Variants in ATP10A observed in about 807,000 individuals in gnomAD.
ATP10A encodes phospholipid-transporting ATPase VA.
In ATP10A, 111 loss-of-function variants were observed where a neutral mutation model predicts 147.8. The ratio of observed to expected loss-of-function variants is 0.75; its 90% confidence interval spans 0.64 to 0.88. The LOEUF (loss-of-function observed/expected upper bound fraction) is 0.88. Ranked by LOEUF, ATP10A falls within the 40% of genes least tolerant of loss-of-function variation. The pLI is 0.00. For synonymous variants in ATP10A, 875 were observed against 841.6 expected (o/e 1.04, Z -0.69); for missense variants, 1,927 against 1,959.0 (o/e 0.98, Z 0.31).
intron 1 of ATP10A, among the ~76,000 whole-genome samples, chr15:25,842,147 A>G (rs1428493327): frequency 6.6e-6 from 1 of 152,226 alleles, no homozygotes; most frequent in Non-Finnish European, 1.5e-5. Context: ...CAGCAGCATC[A>G]GGCTGTCCAC....
intron 17 of ATP10A, among the ~76,000 whole-genome samples, chr15:25,682,830 T>C (rs1899496560): frequency 6.6e-6 from 1 of 152,240 alleles, no homozygotes; most frequent in African/African-American, 2.4e-5. Context: ...TCTATTTTAA[T>C]GGCTGGCTAG....
intron 13 of ATP10A, among the ~76,000 whole-genome samples, chr15:25,696,836 G>A (rs1900366177): frequency 6.6e-6 from 1 of 152,324 alleles, no homozygotes; most frequent in South Asian, 2.1e-4. Context: ...TTTGAACTCA[G>A]TCCCAGGCAA....
chr15:25,762,483 G>T (rs1166058525), intron 2 of ATP10A, among the ~76,000 whole-genome samples: 3 of 152,194 alleles, frequency 2.0e-5, no homozygotes, highest in African/African-American at 7.2e-5. Flanking sequence ...GTCTCACTGT[G>T]TTGCTAAGGC....
intron 2 of ATP10A, among the ~76,000 whole-genome samples, chr15:25,737,844 G>A (rs542306002): frequency 6.6e-6 from 1 of 152,030 alleles, no homozygotes; most frequent in Non-Finnish European, 1.5e-5. Flanking sequence ...AAATCAGGAC[G>A]CAAAGACACA....
chr15:25,717,874 G>A (rs1901919396), intron 8 of ATP10A, among the ~76,000 whole-genome samples: 1 of 152,176 alleles, frequency 6.6e-6, no homozygotes, highest in Admixed American at 6.5e-5. Flanking sequence ...CTTTTTAGCG[G>A]TTGTCATCTT....
At chr15:25,682,980 T>G (rs985239980) in intron 17 of ATP10A, among the ~76,000 whole-genome samples, 6 of 152,138 alleles carry the variant, frequency 3.9e-5, no homozygotes, top group African/African-American at 1.4e-4. Flanking sequence ...TAAGTCACAT[T>G]TTCTTCCTTG....
chr15:25,736,046 C>G lies in ATP10A; in HGVS notation c.740+10G>C. On this transcript the variant is annotated intron_variant, in intron 3 of 20. Transcript: ENST00000555815. ...AGAAGGATGCGCGCAGGCAGACACA[C>G]GATACTCACATGCAGCCGCGAAACC... 6.2e-7 allele frequency: 1 copy of G among 1,608,226 alleles called. No homozygotes were observed. Among genetic ancestry groups the G allele is most frequent in the East Asian group, 2.2e-5 (1 of 44,866 alleles).
At chr15:25,726,447 CT>C (rs111819076) in intron 4 of ATP10A, among the ~76,000 whole-genome samples, 110 of 141,868 alleles carry the variant, frequency 7.8e-4, no homozygotes, top group Admixed American at 7.0e-4. Flanking sequence ...TGCTTTTTTT[CT>C]TTTTTTTTTT....
rs372965991 is a variant in ATP10A, at chr15:25,786,175, C to T, written c.450-4952G>A. On this transcript the variant is annotated intron_variant, in intron 1 of 20. Coordinates refer to ENST00000555815, the MANE Select transcript of ATP10A (RefSeq NM_024490.4). ...TGGCTGGGGGCAGAGAGGTGCCACGCCAGCACACGGCATCAGGGTGGGCCA... is the reference window on the plus strand; with the variant it reads ...TGGCTGGGGGCAGAGAGGTGCCACGTCAGCACACGGCATCAGGGTGGGCCA... Among the ~76,000 whole-genome samples, 9 of 152,282 alleles carry T rather than the reference C, an allele frequency of 5.9e-5. No individual in the cohort carries two copies. In the East Asian group the frequency reaches 1.4e-3, roughly 23 times the overall value.
At chr15:25,777,936 ATTTC>A (rs1358445543) in intron 2 of ATP10A, among the ~76,000 whole-genome samples, 2 of 151,202 alleles carry the variant, frequency 1.3e-5, no homozygotes, top group African/African-American at 4.9e-5. Context: ...GGTCCTCTTT[ATTTC>A]TTTTTTATTT....
At chr15:25,782,179 C>T (rs943310683) in intron 1 of ATP10A, among the ~76,000 whole-genome samples, 7 of 152,112 alleles carry the variant, frequency 4.6e-5, no homozygotes, top group Admixed American at 3.3e-4. Context: ...CAACTCTTGC[C>T]GGTTCCACTT....
intron 1 of ATP10A, among the ~76,000 whole-genome samples, chr15:25,814,513 G>A (rs1891566902): frequency 6.6e-6 from 1 of 152,294 alleles, no homozygotes; most frequent in Non-Finnish European, 1.5e-5. Flanking sequence ...CAACGTGATT[G>A]GGACTGGAAT....
At chr15:25,820,006 G>C in intron 1 of ATP10A, among the ~76,000 whole-genome samples, 1 of 151,978 alleles carries the variant, frequency 6.6e-6, no homozygotes, top group East Asian at 1.9e-4. Context: ...AAAAGCCCAG[G>C]CTTCACCCCC....
chr15:25,683,370 G>C lies in ATP10A; in HGVS notation c.3408C>G (p.Leu1136=). Residue 1136 remains leucine, a synonymous_variant, in exon 17 of 21, where the codon CTC becomes CTG. Transcript: ENST00000555815. ...CATCCCTGTCCAGCACCCCAGTCAC[G>C]AGCGGGGGAAGTGACGAGAAGAGCA... ...FNLLFSSLPP[L]VTGVLDRDVP... is the part of the protein sequence containing the mutation. 1.2e-6 allele frequency: 2 copies of C among 1,614,162 alleles called. No homozygotes were observed. Among genetic ancestry groups the C allele is most frequent in the African/African-American group, 1.3e-5 (1 of 75,044 alleles).
intron 13 of ATP10A, among the ~76,000 whole-genome samples, chr15:25,701,630 CA>C (rs1211194089): frequency 6.6e-6 from 1 of 152,180 alleles, no homozygotes; most frequent in African/African-American, 2.4e-5. Flanking sequence ...ACTGTGGAAG[CA>C]CAGGGGACCT....
chr15:25,779,845 A>AACACACACACACACACACACACAC (rs56111172), intron 2 of ATP10A, among the ~76,000 whole-genome samples: 3 of 147,280 alleles, frequency 2.0e-5, no homozygotes, highest in South Asian at 2.2e-4. Context: ...AGAAGGTTAA[A>AACACACACACACACACACACACAC]ACACACACAC....
intron 16 of ATP10A, 88 bp from the exon 17 acceptor site, chr15:25,683,574 GT>G: frequency 1.6e-6 from 2 of 1,264,530 alleles, no homozygotes; most frequent in Non-Finnish European, 1.1e-6. Context: ...GGCCTGCAGA[GT>G]TTCACAGTCA....
chr15:25,758,673 A>ACTCATTCCGACCACCTGCTCCACC (rs1888566454), intron 2 of ATP10A, among the ~76,000 whole-genome samples: 1 of 103,422 alleles, frequency 9.7e-6, no homozygotes, highest in Non-Finnish European at 1.9e-5. Flanking sequence ...CTCCACCCTA[A>ACTCATTCCGACCACCTGCTCCACC]CTCATTCCGA....
chr15:25,672,937 C>G (rs1441158498), downstream of ATP10A, among the ~76,000 whole-genome samples: 1 of 152,174 alleles, frequency 6.6e-6, no homozygotes, highest in African/African-American at 2.4e-5. Context: ...AGTTTAAGGA[C>G]TAACCTGTGG....
Sources: allele counts gnomAD v4.1 joint callset (sites outside exome capture counted in the v4.1 genomes callset), GRCh38; gene constraint gnomAD v4.1.1; transcripts MANE v1.5; gene names NCBI Gene and HGNC (gene_info 2026-07-23, HGNC 2026-07-21).